Variants in SLIT3 observed in about 807,000 individuals in gnomAD.
SLIT3 encodes the protein slit guidance ligand 3.
In SLIT3, 68 loss-of-function variants were observed where a neutral mutation model predicts 184.0. That is an observed-to-expected ratio of 0.37 (90% CI 0.30 to 0.45). SLIT3 has a LOEUF of 0.45. SLIT3 is among the 20% of genes least tolerant of loss of function. The pLI is 1.00. For missense variants in SLIT3, 1,707 were observed against 2,026.0 expected (o/e 0.84, Z 3.02); for synonymous variants, 831 against 828.6 (o/e 1.00, Z -0.05).
At position 169,125,088 on chromosome 5, in the gene SLIT3, G is replaced by A. The variant is rs548460182; in HGVS notation, c.413+68391C>T. Among the ~76,000 whole-genome samples the A allele has an allele frequency of 1.3e-4, 19 of 151,566 alleles. No individual in the cohort carries two copies. In the East Asian group the frequency reaches 1.9e-3, roughly 15 times the overall value. ...TTTTGAGATGGAGTTTCACTCTGTC[G>A]CCAGGCTACAGTGCAGTGGCGCAAT... On this transcript the variant is annotated intron_variant, in intron 4 of 35. Coordinates refer to ENST00000519560, the MANE Select transcript of SLIT3 (RefSeq NM_003062.4).
chr5:169,127,165 G>A (rs898098449), intron 4 of SLIT3, among the ~76,000 whole-genome samples: 2 of 152,262 alleles, frequency 1.3e-5, no homozygotes, highest in African/African-American at 4.8e-5. Context: ...AAAAGAAAAT[G>A]TTTTATATGA....
At chr5:168,993,122 A>C (rs1755389249) in intron 4 of SLIT3, 1 of 152,130 alleles carries the variant, frequency 6.6e-6, no homozygotes, top group African/African-American at 2.4e-5. Context: ...GGCTTATCGG[A>C]AGCCTCAGGT....
At chr5:168,850,344 T>C (rs1057321154) in intron 5 of SLIT3, among the ~76,000 whole-genome samples, 2 of 152,210 alleles carry the variant, frequency 1.3e-5, no homozygotes, top group Admixed American at 1.3e-4. Flanking sequence ...AGAATACATA[T>C]AGATATGTTT....
At chr5:168,951,706 C>G (rs762230536) in intron 4 of SLIT3, among the ~76,000 whole-genome samples, 1 of 152,152 alleles carries the variant, frequency 6.6e-6, no homozygotes, top group African/African-American at 2.4e-5. Flanking sequence ...AGCTCCTGCC[C>G]TACTCCTTCT....
intron 4 of SLIT3, among the ~76,000 whole-genome samples, chr5:169,031,819 T>C (rs1429352862): frequency 2.0e-5 from 3 of 152,080 alleles, no homozygotes; most frequent in South Asian, 2.1e-4. Context: ...GGAGAACAAA[T>C]TGGAGTTGGT....
chr5:168,729,625 A>G (rs80322108), intron 20 of SLIT3, among the ~76,000 whole-genome samples: 2,033 of 152,272 alleles, frequency 0.013, 46 homozygotes, highest in African/African-American at 0.046. Context: ...GAGCAACCCT[A>G]TAGGAAATGT....
In SLIT3 at chr5:168,674,489, C is replaced by CTTTTTTT. The variant is rs141548947; in HGVS notation, c.3687-1165_3687-1159dup. 6.1e-4 allele frequency among the ~76,000 whole-genome samples: 73 copies of CTTTTTTT among 119,900 alleles called. 2 individuals carry two copies. The highest frequency in any genetic ancestry group is 2.2e-3 in the African/African-American group (69 of 31,296). 78.7% of individuals were successfully genotyped at this position (119,900 alleles called of 152,430 possible). On this transcript the variant is annotated intron_variant, in intron 32 of 35. Transcript: ENST00000519560. ...AAATGTTTTGGTTATGGGATATTCA[C>CTTTTTTT]TTTTTTTTTTTTTTTTTTTTGAGAT...
At chr5:168,862,428 GA>G (rs1759145876) in intron 5 of SLIT3, among the ~76,000 whole-genome samples, 1 of 152,156 alleles carries the variant, frequency 6.6e-6, no homozygotes, top group African/African-American at 2.4e-5. Context: ...TCCTGCTAAA[GA>G]AAAATTTTGG....
chr5:168,688,349 CTCTAAACTCTTAGATTG>C (rs1402398431), intron 29 of SLIT3, among the ~76,000 whole-genome samples: 1 of 152,136 alleles, frequency 6.6e-6, no homozygotes, highest in African/African-American at 2.4e-5. Context: ...GAAGCAAGCT[CTCTAAACTCTTAGATTG>C]TCTAATAAGC....
intron 4 of SLIT3, among the ~76,000 whole-genome samples, chr5:168,929,892 T>C (rs138394082): frequency 2.6e-5 from 4 of 152,352 alleles, no homozygotes; most frequent in Admixed American, 2.0e-4. Flanking sequence ...AGGCTCCAGC[T>C]GGCCTGCCTT....
At chr5:169,266,415 A>G (rs1243124443) in intron 1 of SLIT3, among the ~76,000 whole-genome samples, 2 of 152,190 alleles carry the variant, frequency 1.3e-5, no homozygotes, top group African/African-American at 4.8e-5. Flanking sequence ...TTCTGAAGAA[A>G]AGGAATGTGG....
In SLIT3 at chr5:168,970,602, T is replaced by C. The variant is rs546058808; in HGVS notation, c.414-87266A>G. On this transcript the variant is annotated intron_variant, in intron 4 of 35. Transcript: ENST00000519560. ...GCAGATTTGTGCAGGAGTCCAGCACTGGGCTGTTTTATGGCCACAGATTAT... is the reference window on the plus strand; with the variant it reads ...GCAGATTTGTGCAGGAGTCCAGCACCGGGCTGTTTTATGGCCACAGATTAT... Among the ~76,000 whole-genome samples the C allele has an allele frequency of 2.6e-5, 4 of 152,252 alleles. No homozygotes were observed. The East Asian group carries it at 7.7e-4, about 29-fold the overall frequency.
chr5:168,671,557 A>G lies in SLIT3; in HGVS notation c.3842-74T>C. 5 of 1,471,418 alleles carry G rather than the reference A, an allele frequency of 3.4e-6. 1 individual carries two copies. Among genetic ancestry groups the G allele is most frequent in the Non-Finnish European group, 4.6e-6 (5 of 1,089,456 alleles). 91.1% of individuals were successfully genotyped at this position (1,471,418 alleles called of 1,614,324 possible). A position where few individuals can be genotyped will look rare whatever the true frequency, so the allele number is the denominator to read the frequency against. ...CCTGCTGTCCTCAGAGCGAAAAAGCACTTTTCACACATTCATGGCCAGAAC... is the reference window on the plus strand; with the variant it reads ...CCTGCTGTCCTCAGAGCGAAAAAGCGCTTTTCACACATTCATGGCCAGAAC... On this transcript the variant is annotated intron_variant, in intron 33 of 35. Transcript: ENST00000519560.
At chr5:169,146,778 T>C (rs919912598) in intron 4 of SLIT3, among the ~76,000 whole-genome samples, 5 of 152,206 alleles carry the variant, frequency 3.3e-5, no homozygotes, top group Admixed American at 1.3e-4. Flanking sequence ...CTTGCACATA[T>C]ATTTGCCTAG....
chr5:169,058,007 C>T (rs1354759452), intron 4 of SLIT3, among the ~76,000 whole-genome samples: 3 of 152,144 alleles, frequency 2.0e-5, no homozygotes, highest in Non-Finnish European at 2.9e-5. Flanking sequence ...GTTGCTTGCC[C>T]CAGCATGTAG....
intron 3 of SLIT3, among the ~76,000 whole-genome samples, chr5:169,197,983 A>T (rs1035620903): frequency 1.3e-5 from 2 of 152,170 alleles, no homozygotes; most frequent in African/African-American, 4.8e-5. Context: ...GAACCCATCC[A>T]TGTATCCATT....
At chr5:169,214,589 T>G (rs1764375760) in intron 3 of SLIT3, among the ~76,000 whole-genome samples, 2 of 152,112 alleles carry the variant, frequency 1.3e-5, no homozygotes, top group African/African-American at 4.8e-5. Context: ...GTGGTGGAAG[T>G]GGGTGGAGTT....
At chr5:168,735,526 C>A (rs1340558416) in intron 20 of SLIT3, among the ~76,000 whole-genome samples, 1 of 152,112 alleles carries the variant, frequency 6.6e-6, no homozygotes, top group Non-Finnish European at 1.5e-5. Flanking sequence ...TAAAACAAAG[C>A]TTATAATGAT....
chr5:168,688,057 C>G (rs141250524), intron 29 of SLIT3, among the ~76,000 whole-genome samples: 27 of 152,342 alleles, frequency 1.8e-4, no homozygotes, highest in African/African-American at 6.5e-4. Flanking sequence ...ACATGCATCT[C>G]TGGGCTCCTC....
Sources: gnomAD v4.1 joint callset for allele counts (sites outside exome capture counted in the v4.1 genomes callset) on GRCh38, gnomAD v4.1.1 for gene constraint, MANE v1.5 for transcripts, NCBI Gene and HGNC (gene_info 2026-07-23, HGNC 2026-07-21) for gene names.